Variants in ARHGAP10 observed in about 807,000 individuals in gnomAD.
ARHGAP10 encodes the protein Rho GTPase activating protein 10, also known as rho GTPase-activating protein 10.
In ARHGAP10, 87 loss-of-function variants were observed where a neutral mutation model predicts 108.6. The ratio of observed to expected loss-of-function variants is 0.80; its 90% CI spans 0.67 to 0.96. The LOEUF (loss-of-function observed/expected upper bound fraction) is 0.96, where lower values mean the gene tolerates loss of function less well. Among genes scored for constraint, ARHGAP10 ranks in the 40% least tolerant of loss-of-function variants. The probability of loss-of-function intolerance (pLI) is 0.00; values close to 1 mark genes in which losing one functional copy is unlikely to be tolerated. For synonymous variants in ARHGAP10, 347 were observed against 341.1 expected, an observed-to-expected ratio of 1.02 and a Z score of -0.19; for missense variants, 939 against 954.5, an observed-to-expected ratio of 0.98 and a Z score of 0.21.
At chr4:148,052,139 C>G (rs978796184) in intron 20 of ARHGAP10, among the ~76,000 whole-genome samples, 1 of 152,022 alleles carries the variant, frequency 6.6e-6, no homozygotes, top group Middle Eastern at 3.2e-3. Context: ...TAATAGATTT[C>G]TGTGAAGTCT....
chr4:147,799,265 C>T (rs1731479562), intron 1 of ARHGAP10, among the ~76,000 whole-genome samples: 1 of 152,112 alleles, frequency 6.6e-6, no homozygotes, highest in African/African-American at 2.4e-5. Context: ...GTCACAAACT[C>T]CTGACCTCAA....
At chr4:147,783,025 TTATA>T (rs968530759) in intron 1 of ARHGAP10, among the ~76,000 whole-genome samples, 4 of 139,898 alleles carry the variant, frequency 2.9e-5, no homozygotes, top group Non-Finnish European at 4.6e-5. Context: ...ATATGTTAAA[TTATA>T]TATATAAATT....
intron 1 of ARHGAP10, among the ~76,000 whole-genome samples, chr4:147,756,305 G>A (rs1237816790): frequency 6.6e-6 from 1 of 152,112 alleles, no homozygotes; most frequent in Non-Finnish European, 1.5e-5. Context: ...GTAGAGGAAG[G>A]TGTGGGTGGT....
intron 15 of ARHGAP10, among the ~76,000 whole-genome samples, chr4:147,947,863 C>A (rs1417544202): frequency 6.6e-6 from 1 of 151,740 alleles, no homozygotes; most frequent in Admixed American, 6.6e-5. Flanking sequence ...GTGTAATGAA[C>A]CCTCATGGCT....
intron 3 of ARHGAP10, among the ~76,000 whole-genome samples, chr4:147,842,326 T>G (rs915993931): frequency 6.6e-6 from 1 of 152,188 alleles, no homozygotes; most frequent in African/African-American, 2.4e-5. Flanking sequence ...AGGAAAAATA[T>G]AATGACCTAA....
intron 18 of ARHGAP10, among the ~76,000 whole-genome samples, chr4:148,007,103 C>A (rs2149650695): frequency 6.6e-6 from 1 of 152,290 alleles, no homozygotes; most frequent in East Asian, 1.9e-4. Flanking sequence ...GGACAAAAAT[C>A]TGTATAGAAG....
chr4:147,884,558 A>G (rs953663568), intron 10 of ARHGAP10, among the ~76,000 whole-genome samples: 1 of 152,180 alleles, frequency 6.6e-6, no homozygotes, highest in African/African-American at 2.4e-5. Context: ...ATTTACTTCC[A>G]TTGAGGCTCA....
rs924746523 is a variant in ARHGAP10 at position 147,951,376 on chromosome 4, C to G, written c.1392-3940C>G. The stretch of plus-strand genomic sequence containing the variant: ...ACTTACTTCTGATTGGCCCTTCTTT[C>G]TCCTTATTTAGGCTGTGGTATAGTT... On this transcript the variant is annotated intron_variant, in intron 15 of 22. Transcript: ENST00000336498. 7.5e-5 allele frequency among the ~76,000 whole-genome samples: 11 copies of G among 146,572 alleles called. No individual in the cohort carries two copies. The Admixed American group carries it at 7.6e-4, about 10-fold the overall frequency.
At chr4:147,815,522 A>G (rs932777630) in intron 1 of ARHGAP10, among the ~76,000 whole-genome samples, 1 of 152,114 alleles carries the variant, frequency 6.6e-6, no homozygotes, top group African/African-American at 2.4e-5. Context: ...GCCCATTGTA[A>G]TCACAGTGGT....
rs146091556 is a variant in ARHGAP10, at chr4:147,748,703, G to A, written c.154+16248G>A. On this transcript the variant is annotated intron_variant, in intron 1 of 22. Transcript: ENST00000336498. ...AGCAGTAGATAGGCTGGGCACTGTG[G>A]CTCAGGCCTGTAATTCCAGCAATTT... Among the ~76,000 whole-genome samples the A allele has an allele frequency of 3.9e-3, 600 of 152,270 alleles. 6 individuals carry two copies. The highest frequency in any genetic ancestry group is 0.014 in the African/African-American group (577 of 41,556).
chr4:148,031,821 C>T (rs899370485), intron 19 of ARHGAP10, among the ~76,000 whole-genome samples: 12 of 152,042 alleles, frequency 7.9e-5, no homozygotes, highest in African/African-American at 2.2e-4. Context: ...ATGGGCCCTC[C>T]AGGAGAAAAA....
chr4:147,964,628 A>G (rs1739135849), intron 16 of ARHGAP10, among the ~76,000 whole-genome samples: 1 of 152,206 alleles, frequency 6.6e-6, no homozygotes, highest in Non-Finnish European at 1.5e-5. Flanking sequence ...GTAACATGCA[A>G]TAGCCTATTT....
intron 18 of ARHGAP10, among the ~76,000 whole-genome samples, chr4:148,003,210 T>G (rs1389515464): frequency 3.3e-5 from 5 of 152,216 alleles, no homozygotes; most frequent in Non-Finnish European, 4.4e-5. Flanking sequence ...TCAGTTTCCA[T>G]GTAGTTGATC....
intron 7 of ARHGAP10, among the ~76,000 whole-genome samples, chr4:147,867,713 C>T (rs1734624868): frequency 6.6e-6 from 1 of 151,850 alleles, no homozygotes; most frequent in South Asian, 2.1e-4. Flanking sequence ...AAAATACAAA[C>T]ATTAGCTGGG....
intron 1 of ARHGAP10, among the ~76,000 whole-genome samples, chr4:147,742,633 G>A (rs1728730360): frequency 6.6e-6 from 1 of 151,236 alleles, no homozygotes; most frequent in Admixed American, 6.6e-5. Flanking sequence ...ATAGGCACCT[G>A]CCACCACGCC....
In ARHGAP10 at chr4:147,997,606, A is replaced by G. The variant is rs112638787; in HGVS notation, c.1717-25657A>G. On this transcript the variant is annotated intron_variant, in intron 18 of 22. Coordinates refer to ENST00000336498, the MANE Select transcript of ARHGAP10 (RefSeq NM_024605.4). ...AAAGATGGCCCATCAGAAGGCATCA[A>G]CACAGGTATAGAACCAGACACGTAG... 4.6e-5 allele frequency among the ~76,000 whole-genome samples: 7 copies of G among 152,364 alleles called. 2 individuals carry two copies. Among genetic ancestry groups the G allele is most frequent in the African/African-American group, 1.7e-4 (7 of 41,592 alleles).
chr4:147,922,517 GT>G (rs1737287087), intron 13 of ARHGAP10, among the ~76,000 whole-genome samples: 1 of 150,912 alleles, frequency 6.6e-6, no homozygotes, highest in Admixed American at 6.6e-5. Context: ...GTGAAACCCC[GT>G]CTCTACTAAA....
At chr4:147,894,071 G>A (rs1735894877) in intron 10 of ARHGAP10, among the ~76,000 whole-genome samples, 2 of 152,134 alleles carry the variant, frequency 1.3e-5, no homozygotes, top group Admixed American at 1.3e-4. Flanking sequence ...TGAAAATAAA[G>A]CCAGAATAAA....
chr4:147,737,264 C>T (rs1356999173), intron 1 of ARHGAP10, among the ~76,000 whole-genome samples: 2 of 152,022 alleles, frequency 1.3e-5, no homozygotes, highest in Non-Finnish European at 2.9e-5. Flanking sequence ...GATTCTTGTG[C>T]CTTAGCCTCC....
Sources: allele counts gnomAD v4.1 joint callset (sites outside exome capture counted in the v4.1 genomes callset), GRCh38; gene constraint gnomAD v4.1.1; transcripts MANE v1.5; gene names NCBI Gene and HGNC (gene_info 2026-07-23, HGNC 2026-07-21).